Variants in MIR2052HG observed in about 807,000 individuals in gnomAD.
MIR2052HG encodes MIR2052 host gene.
chr8:74,648,079 A>T lies in MIR2052HG; in HGVS notation n.216+35139A>T, dbSNP rs145764224. Among the ~76,000 whole-genome samples the T allele has an allele frequency of 6.8e-4, 103 of 152,294 alleles. No homozygotes were observed. The Middle Eastern group carries it at 0.014, about 20-fold the overall frequency. ...TAAGGAAAGATAACCATAATGTCTGACTGCCTTCAGGTTTGGGCAGAATAG... is the reference window on the plus strand; with the variant it reads ...TAAGGAAAGATAACCATAATGTCTGTCTGCCTTCAGGTTTGGGCAGAATAG... On this transcript the variant is annotated intron_variant and non_coding_transcript_variant, in intron 2 of 6. Transcript: ENST00000523442.
rs149673642 is a variant in MIR2052HG, at chr8:74,631,093, G to A, written n.216+18153G>A. On this transcript the variant is annotated intron_variant and non_coding_transcript_variant, in intron 2 of 6. Coordinates refer to ENST00000523442, the Ensembl canonical transcript of MIR2052HG. ...TTGGTAATAAAAAAGAAACTTTTTC[G>A]TATTAGAGTAGTTTGAGGATAGAGC... 4.9e-4 allele frequency among the ~76,000 whole-genome samples: 75 copies of A among 152,242 alleles called. 1 individual carries two copies. In the South Asian group the frequency reaches 0.014, roughly 28 times the overall value.
chr8:74,741,060 A>G (rs943986505), intron 4 of MIR2052HG, among the ~76,000 whole-genome samples: 1 of 152,242 alleles, frequency 6.6e-6, no homozygotes, highest in African/African-American at 2.4e-5. Context: ...TATTTTATCA[A>G]TCTATCAACA....
At chr8:74,625,215 T>G (rs937745248) in intron 2 of MIR2052HG, 3 of 152,128 alleles carry the variant, frequency 2.0e-5, no homozygotes, top group Admixed American at 6.6e-5. Flanking sequence ...TACATCACCA[T>G]GCCATGTTAA....
chr8:74,678,749 T>C (rs1210289081), intron 2 of MIR2052HG, among the ~76,000 whole-genome samples: 1 of 151,782 alleles, frequency 6.6e-6, no homozygotes, highest in African/African-American at 2.4e-5. Context: ...CAAACATTAA[T>C]ATAATAGAAA....
chr8:74,728,838 C>T (rs983658279), intron 4 of MIR2052HG, among the ~76,000 whole-genome samples: 15 of 152,108 alleles, frequency 9.9e-5, no homozygotes, highest in African/African-American at 3.6e-4. Flanking sequence ...GTTCTAATAA[C>T]AAACATACAC....
intron 1 of MIR2052HG, chr8:74,603,110 C>G (rs1171673278): frequency 1.7e-6 from 1 of 597,114 alleles, no homozygotes; most frequent in African/African-American, 1.9e-5. Flanking sequence ...AACAGCTGAA[C>G]AGAGAAAGGA....
intron 4 of MIR2052HG, among the ~76,000 whole-genome samples, chr8:74,751,621 C>T (rs567576198): frequency 2.0e-3 from 306 of 152,262 alleles, no homozygotes; most frequent in Non-Finnish European, 3.3e-3. Context: ...CTTTATAGAA[C>T]AAAACTACTG....
At chr8:74,621,713 G>A (rs1027367908) in intron 2 of MIR2052HG, among the ~76,000 whole-genome samples, 6 of 152,264 alleles carry the variant, frequency 3.9e-5, no homozygotes, top group African/African-American at 1.2e-4. Flanking sequence ...AGATTTGTGT[G>A]GGGACACAGA....
chr8:74,602,873 C>CTTTCT (rs940052573), intron 1 of MIR2052HG, among the ~76,000 whole-genome samples: 5 of 138,692 alleles, frequency 3.6e-5, no homozygotes, highest in South Asian at 2.3e-4. Context: ...TTCTTTCTTT[C>CTTTCT]TTTTTTCTAT....
chr8:74,678,700 T>G (rs901509992), intron 2 of MIR2052HG, among the ~76,000 whole-genome samples: 2 of 151,596 alleles, frequency 1.3e-5, no homozygotes, highest in Non-Finnish European at 2.9e-5. Flanking sequence ...ATAGAATGGT[T>G]ATAGAAGACA....
intron 2 of MIR2052HG, among the ~76,000 whole-genome samples, chr8:74,644,900 A>G (rs1030134382): frequency 6.6e-6 from 1 of 152,084 alleles, no homozygotes; most frequent in Non-Finnish European, 1.5e-5. Flanking sequence ...CAAAAATAAA[A>G]TAAAATAAAA....
intron 2 of MIR2052HG, among the ~76,000 whole-genome samples, chr8:74,662,754 C>A (rs2128737134): frequency 6.6e-6 from 1 of 151,824 alleles, no homozygotes; most frequent in Non-Finnish European, 1.5e-5. Context: ...TAGCGGTTTT[C>A]TTTAATGATA....
chr8:74,744,130 A>C (rs2128755995), intron 4 of MIR2052HG, among the ~76,000 whole-genome samples: 1 of 152,288 alleles, frequency 6.6e-6, no homozygotes, highest in South Asian at 2.1e-4. Context: ...TTTATGCAGA[A>C]GCTAAGAGAG....
intron 2 of MIR2052HG, among the ~76,000 whole-genome samples, chr8:74,655,755 G>A (rs1001033226): frequency 2.2e-4 from 34 of 152,126 alleles, no homozygotes; most frequent in Admixed American, 9.8e-4. Flanking sequence ...CCATACTAGG[G>A]CATCATCTAG....
intron 2 of MIR2052HG, among the ~76,000 whole-genome samples, chr8:74,648,701 T>C (rs80266249): frequency 0.043 from 6,534 of 152,274 alleles, 224 homozygotes; most frequent in Non-Finnish European, 0.053. Context: ...AGAACCTACA[T>C]TGAAATATTG....
chr8:74,615,166 A>T (rs1460767806), intron 2 of MIR2052HG: 5 of 152,094 alleles, frequency 3.3e-5, no homozygotes, highest in Non-Finnish European at 7.4e-5. Context: ...TGTGGGTTGT[A>T]CCTCCCTATG....
At chr8:74,724,118 C>A (rs1187796023) in intron 4 of MIR2052HG, among the ~76,000 whole-genome samples, 1 of 152,024 alleles carries the variant, frequency 6.6e-6, no homozygotes, top group Admixed American at 6.6e-5. Flanking sequence ...AAAAGGATGG[C>A]CTCGTTTCAT....
chr8:74,625,736 T>C (rs1434271308), intron 2 of MIR2052HG, among the ~76,000 whole-genome samples: 1 of 152,226 alleles, frequency 6.6e-6, no homozygotes, highest in Non-Finnish European at 1.5e-5. Flanking sequence ...AAATTATATT[T>C]TGTATTTTGT....
chr8:74,723,624 C>G (rs1253231444), intron 4 of MIR2052HG, among the ~76,000 whole-genome samples: 1 of 152,102 alleles, frequency 6.6e-6, no homozygotes, highest in Admixed American at 6.5e-5. Context: ...TGCTCGGACT[C>G]CAGGAAAATA....
Sources: allele counts gnomAD v4.1 joint callset (sites outside exome capture counted in the v4.1 genomes callset), GRCh38; gene constraint gnomAD v4.1.1; transcripts MANE v1.5; gene names NCBI Gene and HGNC (gene_info 2026-07-23, HGNC 2026-07-21).